ARMC7: variants seen among roughly 807,000 people sequenced by gnomAD.
ARMC7 encodes the protein armadillo repeat-containing protein 7.
A neutral mutation model predicts 14.8 loss-of-function variants in ARMC7; 9 were observed. The observed-to-expected ratio is 0.61, with a 90% confidence interval of 0.37 to 1.06. ARMC7 has a LOEUF of 1.06. ARMC7 is among the 50% of genes least tolerant of loss of function. The pLI, the probability that ARMC7 is intolerant of heterozygous loss-of-function variation, is 0.01. For missense variants in ARMC7, 262 were observed against 267.1 expected (o/e 0.98, Z 0.13); for synonymous variants, 125 against 123.4 (o/e 1.01, Z -0.09).
At chr17:75,121,944 A>T (rs1016756781) in intron 2 of ARMC7, among the ~76,000 whole-genome samples, 1 of 152,164 alleles carries the variant, frequency 6.6e-6, no homozygotes, top group Admixed American at 6.5e-5. Context: ...TCAGATGGAT[A>T]GTCAGTGAAT....
rs183667035 is a variant in ARMC7, at chr17:75,122,465, G to A, written c.236-6212G>A. Among the ~76,000 whole-genome samples, 149 of 151,840 alleles carry A rather than the reference G, an allele frequency of 9.8e-4. 2 individuals are homozygous for A. The highest frequency in any genetic ancestry group is 3.5e-3 in the African/African-American group (144 of 41,448). ...CAACCTCCGCCTCCTGGGTTCAAGC[G>A]ATTCTCCTGCCTCAGCTTCTCGAGT... On this transcript the variant is annotated intron_variant, in intron 2 of 2. Transcript: ENST00000245543.
chr17:75,110,278 TCACCGCGGCCA>T lies in ARMC7; in HGVS notation c.-10_1del, dbSNP rs2073900208. ...CCCGCCCGTCCCTGGGGGTCCTCCG[TCACCGCGGCCA>T]TGGCCCAGAAGCCGAAGGTGGACCC... On this transcript the variant is annotated start_lost and 5_prime_UTR_variant, in exon 1 of 3. Coordinates refer to ENST00000245543, the MANE Select transcript of ARMC7 (RefSeq NM_024585.4). 1.2e-6 allele frequency: 2 copies of T among 1,605,246 alleles called. No individual in the cohort carries two copies. Among genetic ancestry groups the T allele is most frequent in the African/African-American group, 2.7e-5 (2 of 74,794 alleles).
intron 2 of ARMC7, among the ~76,000 whole-genome samples, chr17:75,111,673 G>A (rs1004315614): frequency 6.6e-6 from 1 of 151,596 alleles, no homozygotes; most frequent in East Asian, 1.9e-4. Context: ...GGGAGGTCAA[G>A]GCTGCAGTGA....
At position 75,115,218 on chromosome 17, in the gene ARMC7, C is replaced by T. The variant is rs139823539; in HGVS notation, c.235+4612C>T. Among the ~76,000 whole-genome samples the T allele has an allele frequency of 5.5e-4, 83 of 152,252 alleles. 2 individuals are homozygous for T. The East Asian group carries it at 7.9e-3, about 15-fold the overall frequency. On this transcript the variant is annotated intron_variant, in intron 2 of 2. Coordinates refer to ENST00000245543, the MANE Select transcript of ARMC7 (RefSeq NM_024585.4). The stretch of plus-strand genomic sequence containing the variant: ...CTGGAAGGACTGGCACAGTGGAGAG[C>T]TGAGTCAGATTGCCCATGGCTGTGG...
intron 1 of ARMC7, 34 bp downstream of exon 1, chr17:75,110,413 C>A: frequency 3.1e-6 from 5 of 1,614,132 alleles, no homozygotes; most frequent in Non-Finnish European, 4.2e-6. Flanking sequence ...TGGCAGGGTC[C>A]GCTGTGACCG....
intron 2 of ARMC7, among the ~76,000 whole-genome samples, chr17:75,125,580 G>T (rs908207711): frequency 1.3e-5 from 2 of 152,216 alleles, no homozygotes; most frequent in African/African-American, 4.8e-5. Flanking sequence ...GCTCACACCC[G>T]TAATCCTAGC....
intron 2 of ARMC7, among the ~76,000 whole-genome samples, chr17:75,126,993 C>T (rs1029590726): frequency 2.1e-5 from 3 of 143,510 alleles, no homozygotes; most frequent in Non-Finnish European, 4.5e-5. Context: ...ACCCGGGAGG[C>T]GGAGGTTGCA....
chr17:75,117,524 GCTATATAT>G (rs1453727761), intron 2 of ARMC7, among the ~76,000 whole-genome samples: 1 of 152,166 alleles, frequency 6.6e-6, no homozygotes, highest in Non-Finnish European at 1.5e-5. Flanking sequence ...ACACCAGGAG[GCTATATAT>G]TGGTTTGGCC....
Position 75,128,854 on chromosome 17 carries a change from C to A in ARMC7, c.413C>A (p.Ala138Asp), listed in dbSNP as rs748230926. 35 of 1,612,908 alleles carry A rather than the reference C, an allele frequency of 2.2e-5. No homozygotes were observed. The South Asian group carries it at 3.2e-4, about 15-fold the overall frequency. The change falls in exon 3 of 3, where the codon GCC (alanine) becomes GAC (aspartate). Residue 138 changes from alanine to aspartate, a missense_variant. Coordinates refer to ENST00000245543, the MANE Select transcript of ARMC7 (RefSeq NM_024585.4). ...CGCAGCTTTCTCCCAGAGCTGACCG[C>A]CACGCCCGTGGTGCAGTGCATGCTT... ...PGRSFLPELT[A>D]TPVVQCMLRF...
intron 2 of ARMC7, among the ~76,000 whole-genome samples, chr17:75,122,977 T>C (rs1568018070): frequency 6.6e-6 from 1 of 151,898 alleles, no homozygotes; most frequent in Non-Finnish European, 1.5e-5. Flanking sequence ...GTGTCCTTCT[T>C]CCCTCCTTCA....
At chr17:75,112,822 A>G (rs117404962) in intron 2 of ARMC7, among the ~76,000 whole-genome samples, 2,647 of 151,354 alleles carry the variant, frequency 0.017, 36 homozygotes, top group Non-Finnish European at 0.03. Context: ...GGCCCCAAGA[A>G]ATAAATCCCT....
At chr17:75,119,380 G>A (rs1041055016) in intron 2 of ARMC7, among the ~76,000 whole-genome samples, 9 of 151,994 alleles carry the variant, frequency 5.9e-5, no homozygotes, top group East Asian at 1.9e-4. Context: ...GGGTTAGTAC[G>A]AGGCAGGGAA....
At chr17:75,116,531 A>G (rs1245211441) in intron 2 of ARMC7, among the ~76,000 whole-genome samples, 1 of 152,238 alleles carries the variant, frequency 6.6e-6, no homozygotes, top group African/African-American at 2.4e-5. Context: ...AGGCTGAGGC[A>G]GGAGAATCGC....
chr17:75,123,132 G>A (rs938801024), intron 2 of ARMC7, among the ~76,000 whole-genome samples: 3 of 149,736 alleles, frequency 2.0e-5, no homozygotes, highest in Admixed American at 6.7e-5. Flanking sequence ...TCCACCTCCT[G>A]AGTTCAAGCA....
At chr17:75,111,458 T>C (rs1457488543) in intron 2 of ARMC7, among the ~76,000 whole-genome samples, 1 of 149,024 alleles carries the variant, frequency 6.7e-6, no homozygotes, top group African/African-American at 2.5e-5. Context: ...AAAAAAGCAA[T>C]TTCAGGCGGG....
In ARMC7 at chr17:75,110,174, G is replaced by A. The variant is rs2073897604; in HGVS notation, c.-115G>A. 4.0e-6 allele frequency: 4 copies of A among 1,001,592 alleles called. No homozygotes were observed. The highest frequency in any genetic ancestry group is 4.3e-6 in the Non-Finnish European group (3 of 700,944). 62.0% of individuals were successfully genotyped at this position (1,001,592 alleles called of 1,614,324 possible). On this transcript the variant is annotated 5_prime_UTR_variant, in exon 1 of 3. Coordinates refer to ENST00000245543, the MANE Select transcript of ARMC7 (RefSeq NM_024585.4). ...AACCCAGGAAAGAAACCCATTTGCC[G>A]ACCCCCTCTTCCCTCTCCAGACAGG...
intron 2 of ARMC7, among the ~76,000 whole-genome samples, chr17:75,111,959 A>ACATT (rs1284998930): frequency 2.6e-5 from 4 of 151,604 alleles, no homozygotes; most frequent in Middle Eastern, 3.4e-3. Flanking sequence ...TCAGGAGCTT[A>ACATT]CATTCTAGTA....
chr17:75,114,964 G>A (rs2073963067), intron 2 of ARMC7: 1 of 380,162 alleles, frequency 2.6e-6, no homozygotes, highest in Non-Finnish European at 4.7e-6. Flanking sequence ...TTCTGGAGAA[G>A]GCTCTGTGCT....
rs529217326 is a variant in ARMC7, at chr17:75,112,441, G to C, written c.235+1835G>C. 3.9e-4 allele frequency among the ~76,000 whole-genome samples: 60 copies of C among 152,254 alleles called. No individual in the cohort carries two copies. In the South Asian group the frequency reaches 0.012, roughly 31 times the overall value. ...CTGCAGCCTGGCCAACACGCGCGTA[G>C]TCACCTGGCTGAAGTCTTGTCAGGC... On this transcript the variant is annotated intron_variant, in intron 2 of 2. Coordinates refer to ENST00000245543, the MANE Select transcript of ARMC7 (RefSeq NM_024585.4).
Sources: allele counts gnomAD v4.1 joint callset (sites outside exome capture counted in the v4.1 genomes callset), GRCh38; gene constraint gnomAD v4.1.1; transcripts MANE v1.5; gene names NCBI Gene and HGNC (gene_info 2026-07-23, HGNC 2026-07-21).